Variants in SUPT16H observed in about 807,000 individuals in gnomAD.
SUPT16H encodes the protein FACT complex subunit SPT16.
SUPT16H carries 24 observed loss-of-function variants against 136.2 expected under a neutral mutation model. The observed-to-expected ratio is 0.18, with a 90% CI of 0.13 to 0.25. The LOEUF is 0.25. Among genes scored for constraint, SUPT16H ranks in the 10% least tolerant of loss-of-function variants. SUPT16H has a pLI of 1.00. For missense variants in SUPT16H, 623 were observed against 1,270.2 expected, an observed-to-expected ratio of 0.49 and a Z score of 7.74; for synonymous variants, 415 against 428.2, an observed-to-expected ratio of 0.97 and a Z score of 0.38.
chr14:21,364,733 A>T, intron 10 of SUPT16H, 94 bp downstream of exon 10: 1 of 1,031,502 alleles, frequency 9.7e-7, no homozygotes, highest in Non-Finnish European at 1.5e-6. Context: ...CCCCTTAGCT[A>T]GCATTTAACA....
In SUPT16H at chr14:21,351,603, TTCTTC is replaced by T. The variant is rs1886296300; in HGVS notation, c.*1065_*1069del. On this transcript the variant is annotated 3_prime_UTR_variant, in exon 26 of 26. Transcript: ENST00000216297. ...CATAAAATCCGGGACCCCTCCCCCC[TTCTTC>T]TCTTAAAGTCACAGAGCACGGAAGG... The T allele has an allele frequency of 6.0e-6, 1 of 167,778 alleles. No individual in the cohort carries two copies. Among genetic ancestry groups the T allele is most frequent in the Admixed American group, 6.2e-5 (1 of 16,138 alleles). The allele number at this position is 167,778 out of a possible 1,614,324, so 10.4% of individuals were successfully genotyped here.
intron 20 of SUPT16H, 99 bp from the exon 21 acceptor site, chr14:21,358,101 A>C: frequency 8.9e-7 from 1 of 1,127,014 alleles, no homozygotes; most frequent in Non-Finnish European, 1.3e-6. Flanking sequence ...AAACAGCTCC[A>C]GCATACTCAC....
chr14:21,359,731 G>T (rs757477572), intron 18 of SUPT16H, 122 bp from the exon 19 acceptor site: 1 of 1,120,848 alleles, frequency 8.9e-7, no homozygotes, highest in Non-Finnish European at 1.2e-6. Context: ...AACCACCCCT[G>T]GTGTCATCAT....
chr14:21,364,296 C>T (rs1886619088), intron 10 of SUPT16H, among the ~76,000 whole-genome samples: 1 of 151,938 alleles, frequency 6.6e-6, no homozygotes, highest in Non-Finnish European at 1.5e-5. Flanking sequence ...ATCAACTGCT[C>T]AGATATTTAG....
At chr14:21,356,742 A>C (rs771737475) in intron 22 of SUPT16H, among the ~76,000 whole-genome samples, 45 of 150,870 alleles carry the variant, frequency 3.0e-4, no homozygotes, top group Non-Finnish European at 6.1e-4. Context: ...CCTGTCTCAA[A>C]CAACCACCAC....
chr14:21,369,480 G>A lies in SUPT16H; in HGVS notation c.631-125C>T, dbSNP rs753456065. ...TCTTAGGAAATGATTTATGCGCCAG[G>A]TAATATATTGGTATGCAGGCAAAAC... is the stretch of plus-strand genomic sequence containing the variant. On this transcript the variant is annotated intron_variant, in intron 5 of 25. Coordinates refer to ENST00000216297, the MANE Select transcript of SUPT16H (RefSeq NM_007192.4). The A allele has an allele frequency of 2.3e-4, 298 of 1,298,390 alleles. 1 individual carries two copies. The highest frequency in any genetic ancestry group is 3.1e-4 in the Non-Finnish European group (287 of 936,754). The allele number at this position is 1,298,390 out of a possible 1,614,324, so 80.4% of individuals were successfully genotyped here.
At chr14:21,379,391 G>A (rs1032202213) in intron 1 of SUPT16H, among the ~76,000 whole-genome samples, 2 of 149,772 alleles carry the variant, frequency 1.3e-5, no homozygotes, top group Non-Finnish European at 3.0e-5. Context: ...AGCTGAGAAT[G>A]CTTCACTGCA....
At position 21,354,397 on chromosome 14, in the gene SUPT16H, C is replaced by G; in HGVS notation, c.2790+14G>C. The stretch of plus-strand genomic sequence containing the variant: ...AACACTGTGTACCAGAAAAGAAACC[C>G]CACACTCACGCACCTCACCCTCAGG... On this transcript the variant is annotated intron_variant, in intron 23 of 25. Coordinates refer to ENST00000216297, the MANE Select transcript of SUPT16H (RefSeq NM_007192.4). The G allele has an allele frequency of 2.5e-6, 4 of 1,612,984 alleles. No individual in the cohort carries two copies. The highest frequency in any genetic ancestry group is 1.7e-6 in the Non-Finnish European group (2 of 1,179,464).
At chr14:21,359,395 C>T in intron 19 of SUPT16H, 89 bp downstream of exon 19, 1 of 1,543,166 alleles carries the variant, frequency 6.5e-7, no homozygotes, top group Non-Finnish European at 8.7e-7. Flanking sequence ...CACGCCAGCC[C>T]AGTTTGTTTA....
At chr14:21,372,113 C>A in intron 2 of SUPT16H, 69 bp from the exon 3 acceptor site, 1 of 1,481,864 alleles carries the variant, frequency 6.7e-7, no homozygotes, top group Non-Finnish European at 9.0e-7. Flanking sequence ...TATAGATATA[C>A]AGAAATACTT....
Position 21,366,389 on chromosome 14 carries a change from C to G in SUPT16H, c.1046+50G>C, listed in dbSNP as rs766198584. The G allele has an allele frequency of 1.9e-5, 29 of 1,541,652 alleles. No homozygotes were observed. In the Admixed American group the frequency reaches 4.1e-4, roughly 22 times the overall value. ...CTAAAGAAATAAGACTGACCACTGA[C>G]AGTCTAACTGAAAACTGACTCAAGA... On this transcript the variant is annotated intron_variant, in intron 8 of 25. Transcript: ENST00000216297.
intron 23 of SUPT16H, 122 bp downstream of exon 23, chr14:21,354,289 G>A: frequency 9.0e-7 from 1 of 1,111,060 alleles, no homozygotes; most frequent in Non-Finnish European, 1.2e-6. Flanking sequence ...ATAATATCAA[G>A]TGGTGTTTAG....
At chr14:21,360,812 G>A in intron 17 of SUPT16H, 34 bp downstream of exon 17, 2 of 1,589,394 alleles carry the variant, frequency 1.3e-6, no homozygotes, top group Non-Finnish European at 1.7e-6. Context: ...GTGCCCTGAA[G>A]AGAAAGCCTA....
Position 21,353,803 on chromosome 14 carries a change from C to G in SUPT16H, c.2820G>C (p.Glu940Asp). ...TAAAAGTCTCATCTTCAATTTCAGA[C>G]TCTGAATCCCCTTCTTCAGCATCAC... ...EGSDAEEGDSESEIEDETFNP... is the reference protein window; with the variant it reads ...EGSDAEEGDSDSEIEDETFNP... Residue 940 changes from glutamate (E) to aspartate (D), a missense_variant, in exon 24 of 26, where the codon GAG (glutamate) becomes GAC (aspartate). By Grantham distance (45) the Glu-to-Asp change is conservative. Coordinates refer to ENST00000216297, the MANE Select transcript of SUPT16H (RefSeq NM_007192.4). The G allele has an allele frequency of 6.2e-7, 1 of 1,613,984 alleles. No homozygotes were observed. The highest frequency in any genetic ancestry group is 8.5e-7 in the Non-Finnish European group (1 of 1,179,970).
In SUPT16H at chr14:21,369,811, G is replaced by A. The variant is rs1886747647; in HGVS notation, c.569C>T (p.Thr190Ile). The change falls in exon 5 of 26, where the codon ACT becomes ATT. Residue 190 changes from threonine to isoleucine, a missense_variant. Transcript: ENST00000216297. ...LNLMKKAASI[T>I]SEVFNKFFKE... ...GAAGAATTTGTTGAAGACTTCAGAA[G>A]TGATGCTGGCTGCTTTCTTCATTAG... 2 of 1,614,154 alleles carry A rather than the reference G, an allele frequency of 1.2e-6. No homozygotes were observed. The highest frequency in any genetic ancestry group is 1.7e-6 in the Non-Finnish European group (2 of 1,180,022).
intron 14 of SUPT16H, 145 bp downstream of exon 14, chr14:21,362,649 A>G (rs562029899): frequency 1.0e-6 from 1 of 970,338 alleles, no homozygotes; most frequent in Admixed American, 2.8e-5. Flanking sequence ...AAGGAGAATG[A>G]CAAGACAAGA....
chr14:21,368,482 C>T (rs1302251408), intron 6 of SUPT16H, 41 bp from the exon 7 acceptor site: 1 of 1,566,136 alleles, frequency 6.4e-7, no homozygotes, highest in East Asian at 2.3e-5. Context: ...ATTACCAAAA[C>T]TAGCAAAGTC....
At chr14:21,362,528 A>G (rs555979992) in intron 14 of SUPT16H, among the ~76,000 whole-genome samples, 6 of 152,376 alleles carry the variant, frequency 3.9e-5, no homozygotes, top group African/African-American at 1.4e-4. Flanking sequence ...ACCTTGTACC[A>G]TGAATACAAC....
At position 21,370,485 on chromosome 14, in the gene SUPT16H, C is replaced by T; in HGVS notation, c.334G>A (p.Glu112Lys). 1 of 1,613,856 alleles carries T rather than the reference C, an allele frequency of 6.2e-7. No homozygotes were observed. Among genetic ancestry groups the T allele is most frequent in the Non-Finnish European group, 8.5e-7 (1 of 1,179,910 alleles). Residue 112 changes from glutamate to lysine, a missense_variant, in exon 4 of 26, where the codon GAA becomes AAA. Around this residue, in one of 7 missense-constraint regions of SUPT16H, gnomAD observed 343 missense variants for 525.7 expected, o/e 0.65. Coordinates refer to ENST00000216297, the MANE Select transcript of SUPT16H (RefSeq NM_007192.4). Reference sequence around the variant, plus strand: ...TTGTCAAAGCTACTCTTATTACTTTCATTCTGTCAGTGTCATAGGGAAGAA... The same window carrying T: ...TTGTCAAAGCTACTCTTATTACTTTTATTCTGTCAGTGTCATAGGGAAGAA... ...AITLLIREKN[E>K]SNKSSFDKMI...
Sources: gnomAD v4.1 joint callset for allele counts (sites outside exome capture counted in the v4.1 genomes callset) on GRCh38, gnomAD v4.1.1 for gene constraint, gnomAD v4.1.1 regional missense constraint, MANE v1.5 for transcripts, NCBI Gene and HGNC (gene_info 2026-07-23, HGNC 2026-07-21) for gene names.